The following DLGAP2 variants were observed in gnomAD, a reference collection of about 807,000 sequenced individuals.
The protein encoded by DLGAP2 is disks large-associated protein 2.
A neutral mutation model predicts 100.3 loss-of-function variants in DLGAP2; 26 were observed. The observed-to-expected ratio is 0.26, with a 90% CI of 0.19 to 0.36. The LOEUF (loss-of-function observed/expected upper bound fraction) is 0.36. Among genes scored for constraint, DLGAP2 ranks in the 10% least tolerant of loss-of-function variants. The probability of loss-of-function intolerance (pLI) is 1.00; values close to 1 mark genes in which losing one functional copy is unlikely to be tolerated. For missense variants in DLGAP2, 1,858 were observed against 1,453.2 expected, an observed-to-expected ratio of 1.28 and a Z score of -4.53; for synonymous variants, 886 against 630.1, an observed-to-expected ratio of 1.41 and a Z score of -6.08.
At chr8:1,236,270 T>A (rs374533354) in intron 2 of DLGAP2, among the ~76,000 whole-genome samples, 1 of 14,158 alleles carries the variant, frequency 7.1e-5, no homozygotes, top group African/African-American at 5.0e-4. Context: ...ATGGTGCCGT[T>A]TCTAGTTCTC....
chr8:1,418,375 TA>T (rs1374989439), intron 3 of DLGAP2, among the ~76,000 whole-genome samples: 8 of 152,230 alleles, frequency 5.3e-5, no homozygotes, highest in Admixed American at 5.2e-4. Flanking sequence ...CTCAAGTCAT[TA>T]AAAAAGTATA....
At chr8:1,657,381 G>A (rs998697682) in intron 8 of DLGAP2, among the ~76,000 whole-genome samples, 3 of 152,204 alleles carry the variant, frequency 2.0e-5, no homozygotes, top group African/African-American at 7.2e-5. Flanking sequence ...TGTGATAAAC[G>A]CATGCTAGGC....
intron 3 of DLGAP2, among the ~76,000 whole-genome samples, chr8:1,316,513 A>G (rs1800754032): frequency 7.7e-6 from 1 of 129,550 alleles, no homozygotes; most frequent in Admixed American, 7.9e-5. Context: ...ACAGTGGTCT[A>G]CACTCGAGAC....
chr8:1,234,847 G>A (rs1798609281), intron 2 of DLGAP2, among the ~76,000 whole-genome samples: 2 of 152,126 alleles, frequency 1.3e-5, no homozygotes, highest in South Asian at 2.1e-4. Flanking sequence ...AGTGATACCC[G>A]GACTGTTCAA....
intron 2 of DLGAP2, among the ~76,000 whole-genome samples, chr8:1,225,443 G>A (rs566431083): frequency 6.6e-6 from 1 of 152,282 alleles, no homozygotes; most frequent in Non-Finnish European, 1.5e-5. Flanking sequence ...AATGGGGAAC[G>A]GTCACTTACT....
At chr8:1,618,383 TAAGA>T (rs1797225454) in intron 6 of DLGAP2, among the ~76,000 whole-genome samples, 1 of 152,216 alleles carries the variant, frequency 6.6e-6, no homozygotes, top group Non-Finnish European at 1.5e-5. Context: ...TGTGGTGCTC[TAAGA>T]TAGACCATCT....
At chr8:1,123,747 C>T (rs1358632424) in intron 2 of DLGAP2, among the ~76,000 whole-genome samples, 4 of 152,150 alleles carry the variant, frequency 2.6e-5, no homozygotes, top group African/African-American at 7.2e-5. Context: ...CTGCCTTTCT[C>T]TCACCACCTT....
intron 4 of DLGAP2, among the ~76,000 whole-genome samples, chr8:1,514,145 C>A (rs1392855039): frequency 3.3e-5 from 5 of 152,244 alleles, no homozygotes; most frequent in Non-Finnish European, 7.3e-5. Context: ...GCAAAGCCTG[C>A]ACCCAATTAG....
intron 3 of DLGAP2, among the ~76,000 whole-genome samples, chr8:1,356,905 C>T (rs756236332): frequency 2.0e-5 from 3 of 152,222 alleles, no homozygotes; most frequent in Non-Finnish European, 2.9e-5. Context: ...GCCCTTGTGT[C>T]TACAGTGCCC....
In DLGAP2 at chr8:1,595,644, C is replaced by G. The variant is rs367840446; in HGVS notation, c.1442+29750C>G. On this transcript the variant is annotated intron_variant, in intron 6 of 14. Coordinates refer to ENST00000637795, the MANE Select transcript of DLGAP2 (RefSeq NM_001346810.2). ...ATTGCGCCACTGCAGTCCGCAGTCC[C>G]GCCTGGGCGACAGAGCGAGACTCCG... Among the ~76,000 whole-genome samples, 31 of 147,122 alleles carry G rather than the reference C, an allele frequency of 2.1e-4. No individual in the cohort carries two copies. The East Asian group carries it at 5.0e-3, about 24-fold the overall frequency.
At chr8:1,174,111 T>C (rs1411673265) in intron 2 of DLGAP2, among the ~76,000 whole-genome samples, 1 of 152,160 alleles carries the variant, frequency 6.6e-6, no homozygotes, top group Non-Finnish European at 1.5e-5. Flanking sequence ...GACAGAGGGC[T>C]CAGGGCTTAG....
At position 1,501,350 on chromosome 8, in the gene DLGAP2, G is replaced by A; in HGVS notation, c.107-16G>A. ...CAGAAACGCATTAAAGAGTGACTTT[G>A]TTTCTGTCTTTGCAGAGGAAGAAGC... is the stretch of plus-strand genomic sequence containing the variant. On this transcript the variant is annotated splice_polypyrimidine_tract_variant and intron_variant, in intron 3 of 14. Coordinates refer to ENST00000637795, the MANE Select transcript of DLGAP2 (RefSeq NM_001346810.2). 1 of 1,535,900 alleles carries A rather than the reference G, an allele frequency of 6.5e-7. No individual in the cohort carries two copies. Among genetic ancestry groups the A allele is most frequent in the Non-Finnish European group, 8.7e-7 (1 of 1,146,730 alleles).
chr8:1,519,962 C>T (rs116373552), intron 4 of DLGAP2, among the ~76,000 whole-genome samples: 2 of 152,346 alleles, frequency 1.3e-5, no homozygotes, highest in African/African-American at 2.4e-5. Context: ...CCTCGGTTTC[C>T]AGTCTGCAGG....
intron 7 of DLGAP2, among the ~76,000 whole-genome samples, chr8:1,630,943 G>T (rs573287724): frequency 6.9e-6 from 1 of 145,640 alleles, no homozygotes; most frequent in East Asian, 2.4e-4. Flanking sequence ...CGAGGGTCTC[G>T]GCGGGAGGTC....
chr8:1,092,448 T>G (rs1051979037), intron 2 of DLGAP2, among the ~76,000 whole-genome samples: 2 of 152,164 alleles, frequency 1.3e-5, no homozygotes, highest in African/African-American at 4.8e-5. Context: ...CACTTTCCCC[T>G]TCCTCTTTGC....
At chr8:1,569,795 C>G (rs939673320) in intron 6 of DLGAP2, among the ~76,000 whole-genome samples, 1 of 152,186 alleles carries the variant, frequency 6.6e-6, no homozygotes, top group Non-Finnish European at 1.5e-5. Flanking sequence ...CATGGCACTG[C>G]TCTGTGGAGG....
chr8:1,325,922 C>T (rs1298053550), intron 3 of DLGAP2, among the ~76,000 whole-genome samples: 1 of 152,104 alleles, frequency 6.6e-6, no homozygotes, highest in Non-Finnish European at 1.5e-5. Flanking sequence ...GTAGTGGTAA[C>T]TACAGGTCTA....
intron 3 of DLGAP2, among the ~76,000 whole-genome samples, chr8:1,440,753 C>T (rs928651850): frequency 6.6e-6 from 1 of 152,168 alleles, no homozygotes; most frequent in Non-Finnish European, 1.5e-5. Context: ...TGGAGGCAAG[C>T]GCTCGTGGCA....
Position 1,501,446 on chromosome 8 carries a change from T to G in DLGAP2, c.172+15T>G. On this transcript the variant is annotated intron_variant, in intron 4 of 14. Coordinates refer to ENST00000637795, the MANE Select transcript of DLGAP2 (RefSeq NM_001346810.2). Reference sequence around the variant, plus strand: ...GGAGGATCTAGGTAGAGTACAGACGTCAGCCCCGCTCTGGCGGGGCCCGGA... The same window carrying G: ...GGAGGATCTAGGTAGAGTACAGACGGCAGCCCCGCTCTGGCGGGGCCCGGA... 1 of 1,535,280 alleles carries G rather than the reference T, an allele frequency of 6.5e-7. No homozygotes were observed. Among genetic ancestry groups the G allele is most frequent in the Non-Finnish European group, 8.7e-7 (1 of 1,146,544 alleles).
Sources: gnomAD v4.1 joint callset for allele counts (sites outside exome capture counted in the v4.1 genomes callset) on GRCh38, gnomAD v4.1.1 for gene constraint, MANE v1.5 for transcripts, NCBI Gene and HGNC (gene_info 2026-07-23, HGNC 2026-07-21) for gene names.